C12orf42: variants seen among roughly 807,000 people sequenced by gnomAD.
The protein encoded by C12orf42 is uncharacterized protein C12orf42.
In C12orf42, 25 loss-of-function variants were observed where a neutral mutation model predicts 21.6. The observed-to-expected ratio is 1.16, with a 90% confidence interval of 0.84 to 1.62. C12orf42 has a LOEUF of 1.62. Among genes scored for constraint, C12orf42 ranks in the 40% most tolerant of loss-of-function variants. The pLI, the probability that C12orf42 is intolerant of heterozygous loss-of-function variation, is 0.00. For missense variants in C12orf42, 483 were observed against 459.3 expected (o/e 1.05, Z -0.47); for synonymous variants, 174 against 175.0 (o/e 0.99, Z 0.05).
chr12:103,393,193 C>G (rs1032330400), intron 3 of C12orf42, among the ~76,000 whole-genome samples: 1 of 152,160 alleles, frequency 6.6e-6, no homozygotes, highest in African/African-American at 2.4e-5. Flanking sequence ...TCACAGGGAT[C>G]TGCAGGCTGT....
At chr12:103,267,808 G>A (rs2035245714), downstream of C12orf42, 2 of 152,190 alleles carry the variant, frequency 1.3e-5, no homozygotes, top group South Asian at 4.1e-4. Context: ...AAGAGAGGAA[G>A]TAGAATGGGA....
chr12:103,250,914 CTGAA>C (rs1300889913), intron 10 of C12orf42, among the ~76,000 whole-genome samples: 1 of 151,488 alleles, frequency 6.6e-6, no homozygotes, highest in Non-Finnish European at 1.5e-5. Context: ...GTGTGTCTGT[CTGAA>C]TGAGTCCATC....
intron 2 of C12orf42, among the ~76,000 whole-genome samples, chr12:103,426,190 A>G (rs1291294653): frequency 1.3e-5 from 2 of 152,238 alleles, no homozygotes; most frequent in African/African-American, 4.8e-5. Context: ...TTCTAACCCA[A>G]TGAAAGGAAG....
chr12:103,112,587 G>T, the C12orf42 span, among the ~76,000 whole-genome samples: 1 of 152,268 alleles, frequency 6.6e-6, no homozygotes, highest in Admixed American at 6.5e-5. Flanking sequence ...CTTGAACCCA[G>T]GAGGCAGAGG....
intron 4 of C12orf42, among the ~76,000 whole-genome samples, chr12:103,294,419 AAGGAGAGAG>A (rs1252231551): frequency 1.6e-5 from 2 of 124,004 alleles, no homozygotes; most frequent in African/African-American, 3.4e-5. Context: ...GAAAGAGAGA[AAGGAGAGAG>A]AGAAAGAAAG....
chr12:103,160,132 G>A, the C12orf42 span, among the ~76,000 whole-genome samples: 3 of 152,080 alleles, frequency 2.0e-5, no homozygotes, highest in African/African-American at 4.8e-5. Context: ...ACCTAATTCT[G>A]TGAGAAAAAA....
At chr12:103,234,772 A>G (rs1300816537), downstream of C12orf42, among the ~76,000 whole-genome samples, 3 of 152,162 alleles carry the variant, frequency 2.0e-5, no homozygotes, top group Non-Finnish European at 4.4e-5. Context: ...TTTATGAGAC[A>G]TCTCAGGTTT....
chr12:103,372,515 G>C (rs561711141), intron 3 of C12orf42, among the ~76,000 whole-genome samples: 2 of 152,060 alleles, frequency 1.3e-5, no homozygotes, highest in Non-Finnish European at 2.9e-5. Flanking sequence ...AACGTTACCT[G>C]GGAGCTTGTT....
At chr12:103,134,138 A>G in the C12orf42 span, among the ~76,000 whole-genome samples, 1 of 152,198 alleles carries the variant, frequency 6.6e-6, no homozygotes, top group Non-Finnish European at 1.5e-5. Context: ...AATTTTAAAA[A>G]TTGAAAGAAG....
the C12orf42 span, among the ~76,000 whole-genome samples, chr12:103,219,419 TTAAAC>T: frequency 6.6e-6 from 1 of 152,116 alleles, no homozygotes; most frequent in African/African-American, 2.4e-5. Flanking sequence ...TGGGATCTAA[TTAAAC>T]TAAAGAGCTT....
At chr12:103,478,583 AT>A (rs3065865) in intron 1 of C12orf42, 136 bp from the exon 2 acceptor site, 30,482 of 279,358 alleles carry the variant, frequency 0.11, 41 homozygotes, top group Middle Eastern at 0.16. Flanking sequence ...ACTTTCAATA[AT>A]TTTTTTTTTT....
chr12:103,101,833 G>A, the C12orf42 span, among the ~76,000 whole-genome samples: 2 of 152,336 alleles, frequency 1.3e-5, no homozygotes, highest in African/African-American at 2.4e-5. Context: ...TCGTGTGTCT[G>A]TGGTCAGCTG....
At chr12:103,524,720 G>GAA in the C12orf42 span, among the ~76,000 whole-genome samples, 3 of 152,216 alleles carry the variant, frequency 2.0e-5, no homozygotes, top group African/African-American at 4.8e-5. Flanking sequence ...CTAAGGGGCA[G>GAA]AACATAGGTA....
chr12:103,064,286 A>C, the C12orf42 span, among the ~76,000 whole-genome samples: 1 of 152,228 alleles, frequency 6.6e-6, no homozygotes, highest in Non-Finnish European at 1.5e-5. Context: ...AAATTTAAAT[A>C]CAACAGGAAT....
chr12:103,353,994 G>A lies in C12orf42; in HGVS notation c.259+14893C>T, dbSNP rs2043316793. On this transcript the variant is annotated intron_variant, in intron 4 of 5. Coordinates refer to ENST00000548883, the MANE Select transcript of C12orf42 (RefSeq NM_198521.5). ...CAGCAAGGCTCAATCAGGCTTCACCGCTTTCCGTTGCCTATAATGTGATTC... is the reference window on the plus strand; with the variant it reads ...CAGCAAGGCTCAATCAGGCTTCACCACTTTCCGTTGCCTATAATGTGATTC... Among the ~76,000 whole-genome samples, 9 of 152,264 alleles carry A rather than the reference G, an allele frequency of 5.9e-5. No individual in the cohort carries two copies. In the South Asian group the frequency reaches 1.9e-3, roughly 32 times the overall value.
rs1363018285 is a variant in C12orf42, at chr12:103,426,358, T to TC, written c.79-24684dup. ...AATTGATCAAGTGGAAGAAACAATC[T>TC]CAGAGGTAGAAGATAGACTTAATGA... On this transcript the variant is annotated intron_variant, in intron 2 of 5. Coordinates refer to ENST00000548883, the MANE Select transcript of C12orf42 (RefSeq NM_198521.5). Among the ~76,000 whole-genome samples the TC allele has an allele frequency of 2.6e-5, 4 of 152,036 alleles. No homozygotes were observed. The East Asian group carries it at 7.7e-4, about 29-fold the overall frequency.
intron 4 of C12orf42, among the ~76,000 whole-genome samples, chr12:103,351,967 C>T (rs2043137780): frequency 6.6e-6 from 1 of 151,824 alleles, no homozygotes; most frequent in South Asian, 2.1e-4. Flanking sequence ...TCTCCCCCAT[C>T]ACTCTCTCTT....
chr12:103,197,800 G>A, the C12orf42 span, among the ~76,000 whole-genome samples: 23 of 152,208 alleles, frequency 1.5e-4, no homozygotes, highest in Admixed American at 5.9e-4. Flanking sequence ...TCAGTCAACC[G>A]GCTTTGTTTC....
the C12orf42 span, among the ~76,000 whole-genome samples, chr12:103,064,287 C>T: frequency 6.6e-6 from 1 of 152,190 alleles, no homozygotes; most frequent in Non-Finnish European, 1.5e-5. Flanking sequence ...AATTTAAATA[C>T]AACAGGAATA....
Sources: allele counts gnomAD v4.1 joint callset (sites outside exome capture counted in the v4.1 genomes callset), GRCh38; gene constraint gnomAD v4.1.1; transcripts MANE v1.5; gene names NCBI Gene and HGNC (gene_info 2026-07-23, HGNC 2026-07-21).